The following MECR variants were observed in gnomAD, a reference collection of about 807,000 sequenced individuals.
MECR encodes the protein enoyl-[acyl-carrier-protein] reductase, mitochondrial.
In MECR, 37 loss-of-function variants were observed where a neutral mutation model predicts 49.1. That is an observed-to-expected ratio of 0.75 (90% CI 0.58 to 0.99). The LOEUF is 0.99. Ranked by LOEUF, MECR falls within the 50% of genes least tolerant of loss-of-function variation. The pLI is 0.00. For synonymous variants in MECR, 198 were observed against 191.1 expected (o/e 1.04, Z -0.30); for missense variants, 470 against 479.6 (o/e 0.98, Z 0.19).
At chr1:29,174,166 C>T in the MECR span, among the ~76,000 whole-genome samples, 1 of 149,874 alleles carries the variant, frequency 6.7e-6, no homozygotes, top group African/African-American at 2.5e-5. Flanking sequence ...TGCACTGCAG[C>T]CTGGGAGACA....
At chr1:29,191,806 CCTT>C (rs553562753), downstream of MECR, among the ~76,000 whole-genome samples, 12 of 152,122 alleles carry the variant, frequency 7.9e-5, no homozygotes, top group Non-Finnish European at 1.6e-4. Context: ...TGCAATTAAA[CCTT>C]CTGGCCGGGT....
At chr1:29,219,047 A>C (rs1194677047) in intron 1 of MECR, among the ~76,000 whole-genome samples, 4 of 151,988 alleles carry the variant, frequency 2.6e-5, no homozygotes. Context: ...TAAGGGGCTG[A>C]CCCCACACCA....
At chr1:29,222,260 AT>A (rs11452724) in intron 1 of MECR, among the ~76,000 whole-genome samples, 7 of 149,382 alleles carry the variant, frequency 4.7e-5, no homozygotes, top group Non-Finnish European at 7.5e-5. Flanking sequence ...CGCCTGGCTA[AT>A]TTTTTTTTTG....
rs189687706 is a variant in MECR, at chr1:29,194,657, C to T, written c.965-478G>A. Among the ~76,000 whole-genome samples, 73 of 152,286 alleles carry T rather than the reference C, an allele frequency of 4.8e-4. No homozygotes were observed. The East Asian group carries it at 0.012, about 24-fold the overall frequency. On this transcript the variant is annotated intron_variant, in intron 9 of 9. Transcript: ENST00000263702. ...CAGGACTCCCTTAGAACCCCACGAC[C>T]GGACGCCACCAACATCCCCTTCCTG...
At chr1:29,211,880 C>T (rs759075614) in intron 3 of MECR, among the ~76,000 whole-genome samples, 6 of 152,208 alleles carry the variant, frequency 3.9e-5, no homozygotes, top group Non-Finnish European at 5.9e-5. Flanking sequence ...TTAGCAACAG[C>T]TAGGCAGCTC....
Position 29,206,832 on chromosome 1 carries a change from G to A in MECR, c.480C>T (p.Ser160=), listed in dbSNP as rs148198912. 3.5e-5 allele frequency: 56 copies of A among 1,614,160 alleles called. No homozygotes were observed. In the Admixed American group the frequency reaches 3.8e-4, roughly 11 times the overall value. ...AGGGATTGACACCCAGGGTGGCAGCGCTCTGAAGAGGGATGTCACTCGGAA... is the reference window on the plus strand; with the variant it reads ...AGGGATTGACACCCAGGGTGGCAGCACTCTGAAGAGGGATGTCACTCGGAA... ...IQVPSDIPLQ[S]AATLGVNPCT... is the part of the protein sequence containing the mutation. The change falls in exon 4 of 10, where the codon AGC becomes AGT. Residue 160 remains serine (S), a synonymous_variant. Transcript: ENST00000263702.
At chr1:29,202,938 C>CT (rs1462170690) in intron 5 of MECR, among the ~76,000 whole-genome samples, 193 bp downstream of exon 5, 9 of 152,242 alleles carry the variant, frequency 5.9e-5, no homozygotes, top group Non-Finnish European at 8.8e-5. Context: ...TTCACTCATC[C>CT]TATCGCCAAA....
intron 3 of MECR, among the ~76,000 whole-genome samples, chr1:29,210,485 T>TA (rs1342089220): frequency 3.3e-5 from 5 of 152,208 alleles, no homozygotes; most frequent in African/African-American, 9.6e-5. Flanking sequence ...AGCTAACACT[T>TA]ACTGTACTCT....
At chr1:29,194,466 C>T (rs1374012804) in intron 9 of MECR, among the ~76,000 whole-genome samples, 4 of 152,168 alleles carry the variant, frequency 2.6e-5, no homozygotes, top group Non-Finnish European at 5.9e-5. Flanking sequence ...CACAGACTCA[C>T]AGAACCTGGC....
the MECR span, among the ~76,000 whole-genome samples, chr1:29,183,083 A>C: frequency 6.6e-6 from 1 of 152,238 alleles, no homozygotes; most frequent in Non-Finnish European, 1.5e-5. Context: ...CTCAAGGTTC[A>C]AATGATACAC....
At chr1:29,206,128 G>T (rs926827387) in intron 4 of MECR, among the ~76,000 whole-genome samples, 1 of 152,230 alleles carries the variant, frequency 6.6e-6, no homozygotes, top group African/African-American at 2.4e-5. Context: ...AGCACTGTGT[G>T]AAGTATTATG....
the MECR span, among the ~76,000 whole-genome samples, chr1:29,178,210 T>C: frequency 6.6e-6 from 1 of 151,992 alleles, no homozygotes. Context: ...TAGACAAGCA[T>C]TTTATGCCTT....
intron 7 of MECR, among the ~76,000 whole-genome samples, chr1:29,198,691 A>G (rs1674602683): frequency 6.6e-6 from 1 of 152,266 alleles, no homozygotes; most frequent in South Asian, 2.1e-4. Flanking sequence ...ATCTTGGCTC[A>G]CTGCAACCTC....
the MECR span, chr1:29,173,455 T>TGAA: frequency 7.7e-6 from 1 of 129,662 alleles, no homozygotes; most frequent in Non-Finnish European, 1.6e-5. Flanking sequence ...AAAAAGTTGT[T>TGAA]TTTTTTTTTT....
chr1:29,224,019 C>G (rs1487929370), intron 1 of MECR: 1 of 152,170 alleles, frequency 6.6e-6, no homozygotes, highest in Non-Finnish European at 1.5e-5. Flanking sequence ...TTGTTTTGAA[C>G]TGAAGGAATC....
Position 29,230,922 on chromosome 1 carries a change from C to G in MECR, c.-16G>C. ...AGACCCACATGCTCGCTCCAACCAACACAGAGCCTGACGCCCCGGCTACGT... is the reference window on the plus strand; with the variant it reads ...AGACCCACATGCTCGCTCCAACCAAGACAGAGCCTGACGCCCCGGCTACGT... On this transcript the variant is annotated 5_prime_UTR_variant, in exon 1 of 10. Coordinates refer to ENST00000263702, the MANE Select transcript of MECR (RefSeq NM_016011.5). 1 of 1,572,716 alleles carries G rather than the reference C, an allele frequency of 6.4e-7. No homozygotes were observed. The highest frequency in any genetic ancestry group is 8.6e-7 in the Non-Finnish European group (1 of 1,164,974).
the MECR span, among the ~76,000 whole-genome samples, chr1:29,177,040 G>A: frequency 1.8e-4 from 28 of 152,102 alleles, no homozygotes; most frequent in Admixed American, 6.5e-4. Context: ...ATATGGAAAA[G>A]CTAAGATATA....
the MECR span, chr1:29,168,874 A>C: frequency 6.6e-6 from 1 of 152,218 alleles, no homozygotes; most frequent in East Asian, 1.9e-4. Flanking sequence ...AAAAAATATA[A>C]GCGTGAATGG....
At position 29,206,886 on chromosome 1, in the gene MECR, A is replaced by G; in HGVS notation, c.426T>C (p.Ala142=). Residue 142 remains alanine (A), a synonymous_variant, in exon 4 of 10, where the codon GCT becomes GCC. Coordinates refer to ENST00000263702, the MANE Select transcript of MECR (RefSeq NM_016011.5). Reference sequence around the variant, plus strand: ...GGATCAGTGCTTCCTCGCTGAACACAGCCTCGGTCCGCCAGGTTCCTGAGT... The same window carrying G: ...GGATCAGTGCTTCCTCGCTGAACACGGCCTCGGTCCGCCAGGTTCCTGAGT... ...NAGLGTWRTE[A]VFSEEALIQV... 2 of 1,614,182 alleles carry G rather than the reference A, an allele frequency of 1.2e-6. No individual in the cohort carries two copies. Among genetic ancestry groups the G allele is most frequent in the Non-Finnish European group, 1.7e-6 (2 of 1,180,024 alleles).
Sources: allele counts gnomAD v4.1 joint callset (sites outside exome capture counted in the v4.1 genomes callset), GRCh38; gene constraint gnomAD v4.1.1; transcripts MANE v1.5; gene names NCBI Gene and HGNC (gene_info 2026-07-23, HGNC 2026-07-21).